The following RFX4 variants were observed in gnomAD, a reference collection of about 807,000 sequenced individuals.
RFX4 encodes regulatory factor X4, also known as transcription factor RFX4.
A neutral mutation model predicts 95.0 loss-of-function variants in RFX4; 10 were observed. The observed-to-expected ratio is 0.11, with a 90% CI of 0.06 to 0.18. The LOEUF is 0.18. RFX4 is among the 10% of genes least tolerant of loss of function. The pLI, the probability that RFX4 is intolerant of heterozygous loss-of-function variation, is 1.00. For synonymous variants in RFX4, 321 were observed against 340.7 expected (o/e 0.94, Z 0.64); for missense variants, 640 against 922.0 (o/e 0.69, Z 3.96).
At chr12:106,669,131 T>C (rs912007391) in intron 4 of RFX4, among the ~76,000 whole-genome samples, 2 of 152,142 alleles carry the variant, frequency 1.3e-5, no homozygotes, top group African/African-American at 4.8e-5. Context: ...GACTCAGAGA[T>C]CAGTTGATGC....
At chr12:106,637,405 A>G (rs1213375750) in intron 2 of RFX4, among the ~76,000 whole-genome samples, 3 of 152,238 alleles carry the variant, frequency 2.0e-5, no homozygotes, top group African/African-American at 4.8e-5. Context: ...ATTTTTCTAT[A>G]CATCATATGA....
At chr12:106,742,248 G>A (rs1436818818) in intron 15 of RFX4, among the ~76,000 whole-genome samples, 3 of 152,220 alleles carry the variant, frequency 2.0e-5, no homozygotes, top group South Asian at 2.1e-4. Flanking sequence ...GTGTAGTGGC[G>A]TGAGCACAGC....
intron 4 of RFX4, among the ~76,000 whole-genome samples, chr12:106,665,040 T>C (rs1396324246): frequency 2.0e-5 from 3 of 151,916 alleles, no homozygotes; most frequent in Admixed American, 1.3e-4. Context: ...TTCATGTCCT[T>C]ACTGATCTTC....
intron 17 of RFX4, among the ~76,000 whole-genome samples, chr12:106,755,773 A>G (rs778424506): frequency 1.3e-5 from 2 of 152,236 alleles, no homozygotes; most frequent in Non-Finnish European, 2.9e-5. Context: ...ACTTCACTAC[A>G]TCAGACTCAC....
In RFX4 at chr12:106,761,446, G is replaced by A; in HGVS notation, c.2185G>A (p.Ala729Thr). 1 of 1,613,790 alleles carries A rather than the reference G, an allele frequency of 6.2e-7. No individual in the cohort carries two copies. Residue 729 changes from alanine to threonine, a missense_variant, in exon 18 of 18, where the codon GCC becomes ACC. Physicochemically the swap from Ala to Thr is moderately conservative, Grantham distance 58. Coordinates refer to ENST00000392842, the MANE Select transcript of RFX4 (RefSeq NM_213594.3). The part of the protein sequence containing the change: ...FPGFAYINGE[A>T]STGWAK ...TGGCTTTGCTTACATCAACGGAGAG[G>A]CCTCTACAGGATGGGCTAAATGACT...
chr12:106,723,662 G>A (rs542657772), intron 13 of RFX4, among the ~76,000 whole-genome samples: 7 of 152,258 alleles, frequency 4.6e-5, no homozygotes, highest in African/African-American at 7.2e-5. Flanking sequence ...GTCAGGGAGC[G>A]GCTCCCAGAA....
intron 7 of RFX4, among the ~76,000 whole-genome samples, chr12:106,695,693 C>G (rs1027427038): frequency 6.6e-6 from 1 of 152,120 alleles, no homozygotes; most frequent in Non-Finnish European, 1.5e-5. Context: ...CCATATAGCA[C>G]CCACTGGCCA....
At chr12:106,760,945 T>A (rs565791795) in intron 17 of RFX4, among the ~76,000 whole-genome samples, 17 of 152,202 alleles carry the variant, frequency 1.1e-4, no homozygotes, top group African/African-American at 4.1e-4. Context: ...ATATTGTAGA[T>A]TAGGAACAGA....
At chr12:106,754,491 C>T (rs1000075726) in intron 17 of RFX4, among the ~76,000 whole-genome samples, 2 of 152,242 alleles carry the variant, frequency 1.3e-5, no homozygotes, top group Non-Finnish European at 1.5e-5. Context: ...CAGTGGGAGA[C>T]AGCATCATCA....
intron 5 of RFX4, chr12:106,684,649 T>G: frequency 7.0e-7 from 1 of 1,423,024 alleles, no homozygotes; most frequent in Non-Finnish European, 9.2e-7. Flanking sequence ...GTGTCATAAC[T>G]GTCATCCCAC....
At chr12:106,598,055 T>A (rs905131857) in intron 1 of RFX4, among the ~76,000 whole-genome samples, 1 of 152,162 alleles carries the variant, frequency 6.6e-6, no homozygotes, top group Non-Finnish European at 1.5e-5. Flanking sequence ...GGTAGACAGA[T>A]TATTATTATC....
chr12:106,588,762 A>G (rs1286787762), intron 1 of RFX4, among the ~76,000 whole-genome samples: 1 of 152,172 alleles, frequency 6.6e-6, no homozygotes, highest in Non-Finnish European at 1.5e-5. Flanking sequence ...TCTATGTCAA[A>G]TCTTCTGGGT....
chr12:106,732,343 A>T, intron 14 of RFX4, 94 bp downstream of exon 14: 5 of 1,515,948 alleles, frequency 3.3e-6, no homozygotes, highest in Non-Finnish European at 4.5e-6. Context: ...TGTATCTCAA[A>T]GAATTTAGTT....
At chr12:106,583,394 C>T in intron 1 of RFX4, 31 bp downstream of exon 1, 1 of 1,532,628 alleles carries the variant, frequency 6.5e-7, no homozygotes, top group East Asian at 2.5e-5. Flanking sequence ...TGGGGGGATA[C>T]ATTGGGAGGG....
intron 6 of RFX4, 125 bp downstream of exon 6, chr12:106,687,222 A>G (rs554499008): frequency 1.4e-6 from 1 of 698,268 alleles, no homozygotes; most frequent in Non-Finnish European, 2.3e-6. Context: ...ACACACACAC[A>G]CACATTTATT....
chr12:106,702,440 G>C (rs533565243), intron 8 of RFX4, among the ~76,000 whole-genome samples: 1 of 152,286 alleles, frequency 6.6e-6, no homozygotes, highest in East Asian at 1.9e-4. Flanking sequence ...GGGGTACTTT[G>C]TGCTTAAGTT....
At chr12:106,668,169 T>C (rs1232572974) in intron 4 of RFX4, among the ~76,000 whole-genome samples, 4 of 152,212 alleles carry the variant, frequency 2.6e-5, no homozygotes, top group Non-Finnish European at 5.9e-5. Flanking sequence ...CTTTCTGTCT[T>C]TGTGCTCTGC....
intron 1 of RFX4, among the ~76,000 whole-genome samples, chr12:106,590,150 C>T (rs1237167624): frequency 1.3e-5 from 2 of 152,222 alleles, no homozygotes; most frequent in African/African-American, 2.4e-5. Flanking sequence ...GGGTTGTTGG[C>T]TTCATAGGGT....
chr12:106,704,841 G>A (rs1420699165), intron 8 of RFX4, among the ~76,000 whole-genome samples: 2 of 151,746 alleles, frequency 1.3e-5, no homozygotes, highest in Non-Finnish European at 2.9e-5. Context: ...GTGTGTGTGT[G>A]CGCGTGTGTG....
Sources: gnomAD v4.1 joint callset for allele counts (sites outside exome capture counted in the v4.1 genomes callset) on GRCh38, gnomAD v4.1.1 for gene constraint, MANE v1.5 for transcripts, NCBI Gene and HGNC (gene_info 2026-07-23, HGNC 2026-07-21) for gene names.